Variants in JAGN1 observed in about 807,000 individuals in gnomAD.
The protein encoded by JAGN1 is protein jagunal homolog 1.
In JAGN1, 13 loss-of-function variants were observed where a neutral mutation model predicts 17.1. The observed-to-expected ratio is 0.76, with a 90% CI of 0.49 to 1.21. The LOEUF (loss-of-function observed/expected upper bound fraction) is 1.21. Among genes scored for constraint, JAGN1 ranks in the 50% most tolerant of loss-of-function variants. The pLI is 0.00. For synonymous variants in JAGN1, 111 were observed against 91.0 expected, an observed-to-expected ratio of 1.22 and a Z score of -1.25; for missense variants, 256 against 234.2, an observed-to-expected ratio of 1.09 and a Z score of -0.61.
At position 9,894,241 on chromosome 3, in the gene JAGN1, GTTA is replaced by G. The variant is rs1315336301; in HGVS notation, c.*867_*869del. 6.6e-6 allele frequency: 1 copy of G among 152,156 alleles called. No individual in the cohort carries two copies. Among genetic ancestry groups the G allele is most frequent in the East Asian group, 1.9e-4 (1 of 5,194 alleles). 9.4% of individuals were successfully genotyped at this position (152,156 alleles called of 1,614,324 possible). A position where few individuals can be genotyped will look rare whatever the true frequency, so the allele number is the denominator to read the frequency against. On this transcript the variant is annotated 3_prime_UTR_variant, in exon 2 of 2. Coordinates refer to ENST00000647897, the MANE Select transcript of JAGN1 (RefSeq NM_032492.4). ...GGGATTTACAATTCAGTAGAAACTT[GTTA>G]TTCATGTGAAACAGTGAACATAATA...
chr3:9,891,120 C>T (rs1036766499), intron 1 of JAGN1, among the ~76,000 whole-genome samples: 5 of 152,252 alleles, frequency 3.3e-5, no homozygotes, highest in Non-Finnish European at 5.9e-5. Context: ...AACCGAATTT[C>T]TAATTTGAGC....
In JAGN1 at chr3:9,893,924, G is replaced by C. The variant is rs1485196354; in HGVS notation, c.*547G>C. The stretch of plus-strand genomic sequence containing the variant: ...TGAAAGGTGTGGCCTTAGACACTAG[G>C]AGATGATGGGTAGAAGCTCCTTGAG... On this transcript the variant is annotated 3_prime_UTR_variant, in exon 2 of 2. Coordinates refer to ENST00000647897, the MANE Select transcript of JAGN1 (RefSeq NM_032492.4). 1 of 156,044 alleles carries C rather than the reference G, an allele frequency of 6.4e-6. No homozygotes were observed. The highest frequency in any genetic ancestry group is 1.4e-5 in the Non-Finnish European group (1 of 70,266). 9.7% of individuals were successfully genotyped at this position (156,044 alleles called of 1,614,324 possible).
Position 9,893,300 on chromosome 3 carries a change from C to T in JAGN1, c.475C>T (p.His159Tyr). 6.2e-7 allele frequency: 1 copy of T among 1,614,200 alleles called. No individual in the cohort carries two copies. The highest frequency in any genetic ancestry group is 8.5e-7 in the Non-Finnish European group (1 of 1,180,012). ...YLVLVLAVQVHAWQLYYSKKL... is the reference protein window; with the variant it reads ...YLVLVLAVQVYAWQLYYSKKL... ...GGTGTTGGTGTTGGCAGTGCAAGTG[C>T]ATGCCTGGCAGTTGTACTACAGCAA... Residue 159 changes from histidine (H) to tyrosine (Y), a missense_variant, in exon 2 of 2, where the codon CAT becomes TAT. Coordinates refer to ENST00000647897, the MANE Select transcript of JAGN1 (RefSeq NM_032492.4).
Position 9,893,276 on chromosome 3 carries a change from G to T in JAGN1, c.451G>T (p.Val151Leu). Reference protein sequence around the residue: ...GFSAVSIMYLVLVLAVQVHAW... With the variant: ...GFSAVSIMYLLLVLAVQVHAW... ...TTCTGCCGTTTCCATCATGTACCTG[G>T]TGTTGGTGTTGGCAGTGCAAGTGCA... The change falls in exon 2 of 2, where the codon GTG becomes TTG. Residue 151 changes from valine to leucine, a missense_variant. Coordinates refer to ENST00000647897, the MANE Select transcript of JAGN1 (RefSeq NM_032492.4). 1 of 1,614,032 alleles carries T rather than the reference G, an allele frequency of 6.2e-7. No homozygotes were observed. Among genetic ancestry groups the T allele is most frequent in the East Asian group, 2.2e-5 (1 of 44,900 alleles).
rs563088178 is a variant in JAGN1 at position 9,893,164 on chromosome 3, T to C, written c.339T>C (p.Ala113=). Residue 113 remains alanine (A), a synonymous_variant, in exon 2 of 2, where the codon GCT becomes GCC. Coordinates refer to ENST00000647897, the MANE Select transcript of JAGN1 (RefSeq NM_032492.4). Reference sequence around the variant, plus strand: ...TCAGCATGGGACTCTTTTCCATCGCTCCACTCATTTATGGCAGCATGGAGA... The same window carrying C: ...TCAGCATGGGACTCTTTTCCATCGCCCCACTCATTTATGGCAGCATGGAGA... ...SMISMGLFSI[A]PLIYGSMEMF... 29 of 1,614,210 alleles carry C rather than the reference T, an allele frequency of 1.8e-5. 1 individual carries two copies. In the South Asian group the frequency reaches 2.6e-4, roughly 15 times the overall value.
rs369545172 is a variant in JAGN1 at position 9,892,912 on chromosome 3, C to T, written c.90-3C>T. 5.6e-6 allele frequency: 9 copies of T among 1,599,590 alleles called. No individual in the cohort carries two copies. In the African/African-American group the frequency reaches 1.1e-4, roughly 19 times the overall value. On this transcript the variant is annotated splice_region_variant and splice_polypyrimidine_tract_variant and intron_variant, in intron 1 of 1. Coordinates refer to ENST00000647897, the MANE Select transcript of JAGN1 (RefSeq NM_032492.4). ...ATACTTCTCCCTCTGCTCTGCCCCA[C>T]AGTGTGACTCTCAAGTATGAAATCA...
Position 9,893,512 on chromosome 3 carries a change from C to G in JAGN1, c.*135C>G, listed in dbSNP as rs2082577372. 1.4e-6 allele frequency: 1 copy of G among 703,444 alleles called. No individual in the cohort carries two copies. The allele number at this position is 703,444 out of a possible 1,614,324, so 43.6% of individuals were successfully genotyped here. A position where few individuals can be genotyped will look rare whatever the true frequency, so the allele number is the denominator to read the frequency against. On this transcript the variant is annotated 3_prime_UTR_variant, in exon 2 of 2. Coordinates refer to ENST00000647897, the MANE Select transcript of JAGN1 (RefSeq NM_032492.4). ...CAGACCAGGCCAAAGTTCTGGAAAG[C>G]TCCTTTTGCCATCTGCTGAGGTGGC...
At chr3:9,891,089 G>C (rs1453084296) in intron 1 of JAGN1, among the ~76,000 whole-genome samples, 2 of 152,262 alleles carry the variant, frequency 1.3e-5, no homozygotes, top group African/African-American at 4.8e-5. Context: ...GTCGATGCTG[G>C]CCCCGCTGTA....
In JAGN1 at chr3:9,893,086, G is replaced by A. The variant is rs1173850903; in HGVS notation, c.261G>A (p.Leu87=). The change falls in exon 2 of 2, where the codon TTG becomes TTA. Residue 87 remains leucine (L), a synonymous_variant. Coordinates refer to ENST00000647897, the MANE Select transcript of JAGN1 (RefSeq NM_032492.4). The part of the protein sequence containing the change: ...PYLLSILPSL[L]GLLSFPRNNI... Reference sequence around the variant, plus strand: ...TGCTGAGCATTTTGCCCTCTCTCTTGGGCCTTCTCTCCTTTCCCCGCAACA... The same window carrying A: ...TGCTGAGCATTTTGCCCTCTCTCTTAGGCCTTCTCTCCTTTCCCCGCAACA... 4 of 1,614,024 alleles carry A rather than the reference G, an allele frequency of 2.5e-6. No individual in the cohort carries two copies. The highest frequency in any genetic ancestry group is 2.2e-5 in the South Asian group (2 of 91,082).
rs71314370 is a variant in JAGN1 at position 9,890,690 on chromosome 3, G to T, written c.-33G>T. 4,929 of 1,583,580 alleles carry T rather than the reference G, an allele frequency of 3.1e-3. 26 individuals carry two copies. Among genetic ancestry groups the T allele is most frequent in the South Asian group, 0.011 (947 of 87,344 alleles). On this transcript the variant is annotated 5_prime_UTR_variant, in exon 1 of 2. Transcript: ENST00000647897. Reference sequence around the variant, plus strand: ...GCGGTGTCGTTGCGGTACCAGGTCCGCGTGAGGGGTTCGGGGGTTCTGGGC... The same window carrying T: ...GCGGTGTCGTTGCGGTACCAGGTCCTCGTGAGGGGTTCGGGGGTTCTGGGC...
chr3:9,891,220 A>G (rs1234264107), intron 1 of JAGN1, among the ~76,000 whole-genome samples: 2 of 152,268 alleles, frequency 1.3e-5, no homozygotes, highest in African/African-American at 4.8e-5. Context: ...AGAAAGTAGC[A>G]TAAGGCCTAC....
Position 9,890,631 on chromosome 3 carries a change from T to C in JAGN1, c.-92T>C. ...AGTTCTCTTCACGGAGCCGCGCGGC[T>C]GCGGGGGCGCAAATAGGGTCAGTGG... On this transcript the variant is annotated 5_prime_UTR_variant, in exon 1 of 2. Coordinates refer to ENST00000647897, the MANE Select transcript of JAGN1 (RefSeq NM_032492.4). The C allele has an allele frequency of 4.1e-6, 5 of 1,217,760 alleles. No homozygotes were observed. Among genetic ancestry groups the C allele is most frequent in the Non-Finnish European group, 5.8e-6 (5 of 865,640 alleles). The allele number at this position is 1,217,760 out of a possible 1,614,324, so 75.4% of individuals were successfully genotyped here. A position where few individuals can be genotyped will look rare whatever the true frequency, so the allele number is the denominator to read the frequency against.
rs61746084 is a variant in JAGN1 at position 9,893,228 on chromosome 3, G to A, written c.403G>A (p.Ala135Thr). 2.0e-3 allele frequency: 3,163 copies of A among 1,614,182 alleles called. 57 individuals are homozygous for A. In the African/African-American group the frequency reaches 0.036, roughly 19 times the overall value. The change falls in exon 2 of 2, where the codon GCC (alanine) becomes ACC (threonine). Residue 135 changes from alanine (A) to threonine (T), a missense_variant. By Grantham distance (58) the Ala-to-Thr change is moderately conservative. Coordinates refer to ENST00000647897, the MANE Select transcript of JAGN1 (RefSeq NM_032492.4). ...ACAGCAGCTCTACCGCCATGGCAAG[G>A]CCTACCGTTTCCTCTTTGGTTTTTC... ...AAQQLYRHGK[A>T]YRFLFGFSAV... is the part of the protein sequence containing the mutation.
At chr3:9,892,849 T>C in intron 1 of JAGN1, 66 bp from the exon 2 acceptor site, 1 of 1,027,848 alleles carries the variant, frequency 9.7e-7, no homozygotes, top group East Asian at 2.4e-5. Flanking sequence ...CCAGTACAGT[T>C]GTCTGGCATA....
Position 9,893,103 on chromosome 3 carries a change from C to T in JAGN1, c.278C>T (p.Pro93Leu), listed in dbSNP as rs755171967. Residue 93 changes from proline (P) to leucine (L), a missense_variant, in exon 2 of 2, where the codon CCC (proline) becomes CTC (leucine). Physicochemically the swap from Pro to Leu is moderately conservative, Grantham distance 98 (BLOSUM62 -3). Transcript: ENST00000647897. ...TCTCTCTTGGGCCTTCTCTCCTTTC[C>T]CCGCAACAACATTAGCTACCTGGTG... ...LPSLLGLLSF[P>L]RNNISYLVLS... 3.7e-6 allele frequency: 6 copies of T among 1,614,070 alleles called. No individual in the cohort carries two copies. Among genetic ancestry groups the T allele is most frequent in the African/African-American group, 1.3e-5 (1 of 74,924 alleles).
chr3:9,891,062 G>A (rs2082559472), intron 1 of JAGN1, among the ~76,000 whole-genome samples: 1 of 152,238 alleles, frequency 6.6e-6, no homozygotes, highest in Non-Finnish European at 1.5e-5. Flanking sequence ...CCCGCCCTGC[G>A]TGGGCTCCCG....
intron 1 of JAGN1, chr3:9,892,661 AG>A: frequency 2.0e-6 from 1 of 499,142 alleles, no homozygotes; most frequent in South Asian, 2.4e-5. Flanking sequence ...ACCTGCCTCT[AG>A]ATAGCCATCT....
Position 9,894,160 on chromosome 3 carries a change from T to C in JAGN1, c.*783T>C, listed in dbSNP as rs1236306695. On this transcript the variant is annotated 3_prime_UTR_variant, in exon 2 of 2. Coordinates refer to ENST00000647897, the MANE Select transcript of JAGN1 (RefSeq NM_032492.4). ...TTCAGTGTTAACTGGGTATCAGTTA[T>C]GAGTCTACTACTGTATAATGGCATC... is the stretch of plus-strand genomic sequence containing the variant. The C allele has an allele frequency of 2.0e-5, 3 of 152,258 alleles. No homozygotes were observed. Among genetic ancestry groups the C allele is most frequent in the Non-Finnish European group, 2.9e-5 (2 of 68,042 alleles). 9.4% of individuals were successfully genotyped at this position (152,258 alleles called of 1,614,324 possible).
chr3:9,893,266 C>G lies in JAGN1; in HGVS notation c.441C>G (p.Ile147Met). Residue 147 changes from isoleucine (I) to methionine (M), a missense_variant, in exon 2 of 2, where the codon ATC (isoleucine) becomes ATG (methionine). Ile to Met is a conservative substitution (Grantham distance 10). Coordinates refer to ENST00000647897, the MANE Select transcript of JAGN1 (RefSeq NM_032492.4). ...RFLFGFSAVSIMYLVLVLAVQ... is the reference protein window; with the variant it reads ...RFLFGFSAVSMMYLVLVLAVQ... ...TCTTTGGTTTTTCTGCCGTTTCCAT[C>G]ATGTACCTGGTGTTGGTGTTGGCAG... 4 of 1,614,202 alleles carry G rather than the reference C, an allele frequency of 2.5e-6. No individual in the cohort carries two copies. Among genetic ancestry groups the G allele is most frequent in the Non-Finnish European group, 3.4e-6 (4 of 1,180,038 alleles).
Sources: gnomAD v4.1 joint callset for allele counts (sites outside exome capture counted in the v4.1 genomes callset) on GRCh38, gnomAD v4.1.1 for gene constraint, MANE v1.5 for transcripts, NCBI Gene and HGNC (gene_info 2026-07-23, HGNC 2026-07-21) for gene names.